Variants in AGTPBP1 observed in about 807,000 individuals in gnomAD.
The protein encoded by AGTPBP1 is cytosolic carboxypeptidase 1.
In AGTPBP1, 70 loss-of-function variants were observed where a neutral mutation model predicts 143.9. The ratio of observed to expected loss-of-function variants is 0.49; its 90% CI spans 0.40 to 0.59. The LOEUF (loss-of-function observed/expected upper bound fraction) is 0.59. Ranked by LOEUF, AGTPBP1 falls within the 20% of genes least tolerant of loss-of-function variation. The pLI, the probability that AGTPBP1 is intolerant of heterozygous loss-of-function variation, is 0.00. For missense variants in AGTPBP1, 1,229 were observed against 1,464.5 expected (o/e 0.84, Z 2.62); for synonymous variants, 463 against 500.2 (o/e 0.93, Z 0.99).
chr9:85,596,840 C>A (rs555925287), intron 17 of AGTPBP1, among the ~76,000 whole-genome samples: 1 of 152,258 alleles, frequency 6.6e-6, no homozygotes, highest in Admixed American at 6.5e-5. Context: ...AATGGGAAAA[C>A]ACCACCAAAA....
chr9:85,677,453 G>A lies in AGTPBP1; in HGVS notation c.419C>T (p.Ala140Val), dbSNP rs781462852. The A allele has an allele frequency of 1.9e-6, 3 of 1,605,824 alleles. No individual in the cohort carries two copies. Among genetic ancestry groups the A allele is most frequent in the South Asian group, 2.2e-5 (2 of 89,776 alleles). ...DLMVQIHSIL[A>V]KIGPKDKKFG... Reference sequence around the variant, plus strand: ...TCCCTTACCTTTTGGTCCAATCTTTGCAAGAATAGAATGAATCTGTACCAT... The same window carrying A: ...TCCCTTACCTTTTGGTCCAATCTTTACAAGAATAGAATGAATCTGTACCAT... Residue 140 changes from alanine to valine, a missense_variant, in exon 6 of 26, where the codon GCA becomes GTA. Ala to Val is a moderately conservative substitution (Grantham distance 64). Around this residue, in one of 2 missense-constraint regions of AGTPBP1, gnomAD observed 743 missense variants for 812.2 expected, o/e 0.91. Transcript: ENST00000357081.
intron 13 of AGTPBP1, 113 bp from the exon 14 acceptor site, chr9:85,633,487 T>A: frequency 1.3e-6 from 1 of 778,062 alleles, no homozygotes; most frequent in Non-Finnish European, 1.9e-6. Context: ...ATTTTAAAGA[T>A]GGATAAAACC....
chr9:85,553,694 T>C (rs184599609), intron 25 of AGTPBP1, among the ~76,000 whole-genome samples: 11 of 152,322 alleles, frequency 7.2e-5, no homozygotes, highest in Admixed American at 2.0e-4. Context: ...ATAATGAAAG[T>C]GTTAAATGAC....
intron 23 of AGTPBP1, among the ~76,000 whole-genome samples, chr9:85,581,911 AT>A (rs1322500473): frequency 2.6e-5 from 4 of 152,190 alleles, no homozygotes; most frequent in Admixed American, 1.3e-4. Flanking sequence ...TGGATTTCAG[AT>A]TTTGGGATTA....
chr9:85,558,478 T>C (rs1053916918), intron 25 of AGTPBP1, among the ~76,000 whole-genome samples: 1 of 152,240 alleles, frequency 6.6e-6, no homozygotes, highest in Non-Finnish European at 1.5e-5. Context: ...TTATGCTCTG[T>C]GAATTTCATC....
intron 25 of AGTPBP1, among the ~76,000 whole-genome samples, chr9:85,551,408 T>C (rs1253549153): frequency 6.6e-6 from 1 of 152,224 alleles, no homozygotes; most frequent in East Asian, 1.9e-4. Context: ...CCTTTGTACC[T>C]TGCACATTCT....
intron 12 of AGTPBP1, among the ~76,000 whole-genome samples, chr9:85,645,244 C>T (rs1470851826): frequency 2.0e-5 from 3 of 152,138 alleles, no homozygotes; most frequent in Non-Finnish European, 4.4e-5. Flanking sequence ...GCTATAACTG[C>T]TCTGTTAAGA....
rs745649562 is a variant in AGTPBP1, at chr9:85,633,202, G to A, written c.1475C>T (p.Ser492Phe). ...SSKGDEGEKK[S>F]TFMDLAKEDI... ...TTCTTTTGCTAGATCCATAAAGGTA[G>A]ACTTCTTTTCACCTTCATCTCCTTT... Residue 492 changes from serine (S) to phenylalanine (F), a missense_variant, in exon 14 of 26, where the codon TCT (serine) becomes TTT (phenylalanine). This residue lies in a region of AGTPBP1 where 743 missense variants were observed against 812.2 expected (regional missense o/e 0.91). Transcript: ENST00000357081. 9.3e-6 allele frequency: 15 copies of A among 1,613,274 alleles called. No homozygotes were observed. In the African/African-American group the frequency reaches 2.0e-4, roughly 22 times the overall value.
chr9:85,571,669 G>A (rs989470411), intron 25 of AGTPBP1, among the ~76,000 whole-genome samples: 5 of 152,160 alleles, frequency 3.3e-5, no homozygotes, highest in African/African-American at 1.2e-4. Flanking sequence ...AATATTTTGA[G>A]TAATGGAACA....
Position 85,741,805 on chromosome 9 carries a change from C to A in AGTPBP1, c.-64G>T. On this transcript the variant is annotated 5_prime_UTR_variant, in exon 1 of 26. Coordinates refer to ENST00000357081, the MANE Select transcript of AGTPBP1 (RefSeq NM_001330701.2). ...CAGGATGGGGCGCTGGCGGGGACCG[C>A]GCAGAGCCGCAGCACCCGGCTCAGC... 2 of 1,371,986 alleles carry A rather than the reference C, an allele frequency of 1.5e-6. No homozygotes were observed. Among genetic ancestry groups the A allele is most frequent in the South Asian group, 1.7e-5 (1 of 60,366 alleles). 85.0% of individuals were successfully genotyped at this position (1,371,986 alleles called of 1,614,324 possible).
At chr9:85,649,632 C>T (rs1311824690) in intron 11 of AGTPBP1, among the ~76,000 whole-genome samples, 2 of 152,096 alleles carry the variant, frequency 1.3e-5, no homozygotes, top group East Asian at 3.9e-4. Context: ...TTGAGAGAGG[C>T]ATCCTCTAAC....
intron 25 of AGTPBP1, among the ~76,000 whole-genome samples, chr9:85,564,162 G>A (rs1826927763): frequency 6.6e-6 from 1 of 152,250 alleles, no homozygotes; most frequent in Admixed American, 6.5e-5. Context: ...TCCAACCAAT[G>A]GCCAGCAAAA....
At chr9:85,795,770 T>C in the AGTPBP1 span, among the ~76,000 whole-genome samples, 8 of 152,072 alleles carry the variant, frequency 5.3e-5, no homozygotes, top group Non-Finnish European at 7.4e-5. Flanking sequence ...GCTGCATCCA[T>C]GTTGCTGCAA....
chr9:85,758,422 G>A, the AGTPBP1 span, among the ~76,000 whole-genome samples: 2,992 of 152,234 alleles, frequency 0.02, 87 homozygotes, highest in African/African-American at 0.063. Flanking sequence ...AGGCGGGCAG[G>A]TCACGGGAGG....
At chr9:85,783,385 C>T in the AGTPBP1 span, among the ~76,000 whole-genome samples, 1 of 152,158 alleles carries the variant, frequency 6.6e-6, no homozygotes, top group Admixed American at 6.5e-5. Context: ...TAATCCTACC[C>T]ACATTTGAGC....
the AGTPBP1 span, among the ~76,000 whole-genome samples, chr9:85,770,062 TGTG>T: frequency 2.2e-5 from 1 of 45,582 alleles, no homozygotes; most frequent in Non-Finnish European, 3.3e-5. Flanking sequence ...GTTAATCTGT[TGTG>T]TGTGTGTGTG....
chr9:85,701,047 A>G (rs1836613234), intron 2 of AGTPBP1, among the ~76,000 whole-genome samples: 1 of 151,744 alleles, frequency 6.6e-6, no homozygotes, highest in Non-Finnish European at 1.5e-5. Context: ...CCTCCAGAGT[A>G]GCTGGGATTA....
intron 25 of AGTPBP1, among the ~76,000 whole-genome samples, chr9:85,569,508 A>G (rs1452440035): frequency 6.6e-6 from 1 of 152,222 alleles, no homozygotes; most frequent in Admixed American, 6.5e-5. Context: ...GTATATACTA[A>G]TGATCTGATC....
At chr9:85,732,678 C>T (rs1242249029) in intron 1 of AGTPBP1, among the ~76,000 whole-genome samples, 1 of 152,030 alleles carries the variant, frequency 6.6e-6, no homozygotes, top group East Asian at 1.9e-4. Flanking sequence ...AATCAAAACA[C>T]AAAGACTGGC....
Sources: gnomAD v4.1 joint callset for allele counts (sites outside exome capture counted in the v4.1 genomes callset) on GRCh38, gnomAD v4.1.1 for gene constraint, gnomAD v4.1.1 regional missense constraint, MANE v1.5 for transcripts, NCBI Gene and HGNC (gene_info 2026-07-23, HGNC 2026-07-21) for gene names.